Variants in DCAF5 observed in about 807,000 individuals in gnomAD.
DCAF5 encodes the protein DDB1 and CUL4 associated factor 5.
DCAF5 carries 9 observed loss-of-function variants against 80.7 expected under a neutral mutation model. That is an observed-to-expected ratio of 0.11 (90% confidence interval 0.07 to 0.19). DCAF5 has a LOEUF of 0.19. Among genes scored for constraint, DCAF5 ranks in the 10% least tolerant of loss-of-function variants. DCAF5 has a pLI of 1.00. For synonymous variants in DCAF5, 433 were observed against 461.9 expected (o/e 0.94, Z 0.80); for missense variants, 842 against 1,205.7 (o/e 0.70, Z 4.47).
chr14:69,123,173 A>C (rs1255510419), intron 1 of DCAF5, among the ~76,000 whole-genome samples: 2 of 152,242 alleles, frequency 1.3e-5, no homozygotes, highest in South Asian at 2.1e-4. Flanking sequence ...ATCTATACAA[A>C]AGCTAATGCA....
At chr14:69,127,913 C>T (rs956168636) in intron 1 of DCAF5, among the ~76,000 whole-genome samples, 3 of 151,802 alleles carry the variant, frequency 2.0e-5, no homozygotes, top group African/African-American at 4.8e-5. Context: ...TTGTCAAATC[C>T]GATTGGTATC....
chr14:69,114,730 T>G (rs903609145), intron 5 of DCAF5, among the ~76,000 whole-genome samples: 1 of 152,152 alleles, frequency 6.6e-6, no homozygotes, highest in Admixed American at 6.5e-5. Flanking sequence ...AATGTCACTG[T>G]AAAAATACAA....
intron 6 of DCAF5, among the ~76,000 whole-genome samples, chr14:69,081,988 C>T (rs540795753): frequency 4.6e-5 from 7 of 152,254 alleles, no homozygotes; most frequent in Admixed American, 2.0e-4. Flanking sequence ...CCAGATGGCT[C>T]GCTAGCCTGG....
rs1401219054 is a variant in DCAF5 at position 69,152,167 on chromosome 14, T to C, written c.214+598A>G. On this transcript the variant is annotated intron_variant, in intron 1 of 8. Coordinates refer to ENST00000341516, the MANE Select transcript of DCAF5 (RefSeq NM_003861.3). This position sits in a 1 kb window ranked among gnomAD's most constrained non-coding sequence, Gnocchi z 4.1. ...ACAACCGAACGAAAGGCGATGGTGC[T>C]GGGCCTCTAAGAGCGCCGAGGGGGG... 6.6e-6 allele frequency among the ~76,000 whole-genome samples: 1 copy of C among 152,132 alleles called. No homozygotes were observed. The highest frequency in any genetic ancestry group is 2.4e-5 in the African/African-American group (1 of 41,430).
intron 1 of DCAF5, among the ~76,000 whole-genome samples, chr14:69,145,440 C>G (rs1280058276): frequency 6.6e-6 from 1 of 152,028 alleles, no homozygotes; most frequent in Non-Finnish European, 1.5e-5. Flanking sequence ...TAAATATTCA[C>G]TCAAAGATTA....
chr14:69,062,889 C>T (rs1316786423), intron 7 of DCAF5, among the ~76,000 whole-genome samples: 1 of 152,152 alleles, frequency 6.6e-6, no homozygotes, highest in Non-Finnish European at 1.5e-5. Flanking sequence ...AATAGTTAGG[C>T]AGCTGGACCA....
At chr14:69,076,116 CAA>C (rs35853040) in intron 6 of DCAF5, among the ~76,000 whole-genome samples, 2 of 137,324 alleles carry the variant, frequency 1.5e-5, no homozygotes, top group Admixed American at 7.3e-5. Flanking sequence ...TGACTATTAC[CAA>C]AAAAAAAAAA....
In DCAF5 at chr14:69,118,009, T is replaced by C; in HGVS notation, c.535+130A>G. The C allele has an allele frequency of 7.6e-7, 1 of 1,307,460 alleles. No individual in the cohort carries two copies. The highest frequency in any genetic ancestry group is 1.3e-5 in the South Asian group (1 of 75,266). 81.0% of individuals were successfully genotyped at this position (1,307,460 alleles called of 1,614,324 possible). A position where few individuals can be genotyped will look rare whatever the true frequency, so the allele number is the denominator to read the frequency against. Reference sequence around the variant, plus strand: ...TCCAAAGACCTCTTATGCCCCCATGTGAGTGTTTCACATTTCCTTTCCCTT... The same window carrying C: ...TCCAAAGACCTCTTATGCCCCCATGCGAGTGTTTCACATTTCCTTTCCCTT... On this transcript the variant is annotated intron_variant, in intron 4 of 8. Transcript: ENST00000341516. The surrounding 1 kb of genome is among the most constrained non-coding windows in gnomAD (Gnocchi z 4.0).
At chr14:69,080,820 G>GA (rs1444949148) in intron 6 of DCAF5, among the ~76,000 whole-genome samples, 1 of 151,920 alleles carries the variant, frequency 6.6e-6, no homozygotes, top group Admixed American at 6.6e-5. Context: ...ACACTACTGT[G>GA]AAAAAAACTA....
In DCAF5 at chr14:69,085,271, A is replaced by C. The variant is rs553648449; in HGVS notation, c.879+6403T>G. 9 of 715,818 alleles carry C rather than the reference A, an allele frequency of 1.3e-5. No homozygotes were observed. In the Admixed American group the frequency reaches 1.7e-4, roughly 13 times the overall value. The allele number at this position is 715,818 out of a possible 1,614,324, so 44.3% of individuals were successfully genotyped here. A position where few individuals can be genotyped will look rare whatever the true frequency, so the allele number is the denominator to read the frequency against. On this transcript the variant is annotated intron_variant, in intron 6 of 8. Transcript: ENST00000341516. ...AACGTCAACAGCAATGAAGGCAAGC[A>C]GAAAAAGCGAGTAGGCAGTGGTGGA...
intron 7 of DCAF5, among the ~76,000 whole-genome samples, chr14:69,067,431 G>A (rs767926121): frequency 1.3e-4 from 17 of 135,482 alleles, no homozygotes; most frequent in Non-Finnish European, 1.7e-4. Context: ...GCAACCCCCC[G>A]CTCCCAGGCT....
chr14:69,082,721 A>G (rs1280614208), intron 6 of DCAF5, among the ~76,000 whole-genome samples: 5 of 152,218 alleles, frequency 3.3e-5, no homozygotes, highest in African/African-American at 9.6e-5. Context: ...TTCAGTCCAT[A>G]TATGAGTATT....
intron 7 of DCAF5, among the ~76,000 whole-genome samples, chr14:69,074,096 C>A (rs1410624369): frequency 1.3e-5 from 2 of 152,002 alleles, no homozygotes; most frequent in African/African-American, 4.8e-5. Flanking sequence ...AAAAGTAGGC[C>A]CCAACAGGTT....
At chr14:69,140,682 A>G (rs1305849323) in intron 1 of DCAF5, among the ~76,000 whole-genome samples, 1 of 152,198 alleles carries the variant, frequency 6.6e-6, no homozygotes, top group Non-Finnish European at 1.5e-5. Flanking sequence ...CTATAAGATG[A>G]TGTATATAGA....
chr14:69,085,640 T>C (rs78843288), intron 6 of DCAF5, among the ~76,000 whole-genome samples: 4,396 of 152,326 alleles, frequency 0.029, 121 homozygotes, highest in South Asian at 0.091. Context: ...TGTGATGATA[T>C]AATATTTTAA....
In DCAF5 at chr14:69,086,266, G is replaced by A. The variant is rs189924045; in HGVS notation, c.879+5408C>T. ...CCAGCTACTCCGGAGGCTGTGGCAC[G>A]AGAATTGCTTGAACCTGCGAGGCAG... On this transcript the variant is annotated intron_variant, in intron 6 of 8. Coordinates refer to ENST00000341516, the MANE Select transcript of DCAF5 (RefSeq NM_003861.3). Among the ~76,000 whole-genome samples, 251 of 152,242 alleles carry A rather than the reference G, an allele frequency of 1.6e-3. 1 individual carries two copies. Among genetic ancestry groups the A allele is most frequent in the Non-Finnish European group, 1.9e-3 (128 of 68,012 alleles).
chr14:69,138,850 G>T (rs980748529), intron 1 of DCAF5, among the ~76,000 whole-genome samples: 2 of 152,120 alleles, frequency 1.3e-5, no homozygotes, highest in African/African-American at 2.4e-5. Flanking sequence ...TTCACAACAT[G>T]AAAGACATTC....
At chr14:69,122,093 A>G (rs2040740440) in intron 2 of DCAF5, 124 bp downstream of exon 2, 8 of 1,155,704 alleles carry the variant, frequency 6.9e-6, no homozygotes, top group Middle Eastern at 2.0e-4. Flanking sequence ...AAGACAAGCT[A>G]TGAGAAACCA....
rs1379174992 is a variant in DCAF5 at position 69,118,177 on chromosome 14, C to T, written c.497G>A (p.Arg166Gln). The change falls in exon 4 of 9, where the codon CGG becomes CAG. Residue 166 changes from arginine to glutamine, a missense_variant. Arg to Gln is a conservative substitution (Grantham distance 43). Transcript: ENST00000341516. This position sits in a 1 kb window ranked among gnomAD's most constrained non-coding sequence, Gnocchi z 4.0. ...NIFASSSDDG[R>Q]VLIWDIRESP... ...TTCCCGAATGTCCCAAATGAGAACC[C>T]GGCCATCATCTGAGGAACTGGCAAA... 8.1e-6 allele frequency: 13 copies of T among 1,613,964 alleles called. No individual in the cohort carries two copies. Among genetic ancestry groups the T allele is most frequent in the East Asian group, 2.2e-5 (1 of 44,876 alleles).
Sources: allele counts gnomAD v4.1 joint callset (sites outside exome capture counted in the v4.1 genomes callset), GRCh38; gene constraint gnomAD v4.1.1; non-coding constraint Gnocchi (gnomAD v3.1); transcripts MANE v1.5; gene names NCBI Gene and HGNC (gene_info 2026-07-23, HGNC 2026-07-21).